IQSEC1: variants seen among roughly 807,000 people sequenced by gnomAD.
The protein encoded by IQSEC1 is IQ motif and Sec7 domain ArfGEF 1.
IQSEC1 carries 31 observed loss-of-function variants against 91.0 expected under a neutral mutation model. The observed-to-expected ratio is 0.34, with a 90% CI of 0.26 to 0.46. The LOEUF (loss-of-function observed/expected upper bound fraction) is 0.46, where lower values mean the gene tolerates loss of function less well. IQSEC1 is among the 20% of genes least tolerant of loss of function. IQSEC1 has a pLI of 1.00. For synonymous variants in IQSEC1, 699 were observed against 662.6 expected, an observed-to-expected ratio of 1.05 and a Z score of -0.84; for missense variants, 1,388 against 1,575.6, an observed-to-expected ratio of 0.88 and a Z score of 2.02.
rs192545792 is a variant in IQSEC1, at chr3:12,931,351, G to A, written c.1568+4097C>T. On this transcript the variant is annotated intron_variant, in intron 3 of 13. Transcript: ENST00000613206. ...TTCCATCATCAGCACCACAGGCTACGGGAGCAGCACTGCACATCCTCTGGG... is the reference window on the plus strand; with the variant it reads ...TTCCATCATCAGCACCACAGGCTACAGGAGCAGCACTGCACATCCTCTGGG... Among the ~76,000 whole-genome samples, 563 of 152,318 alleles carry A rather than the reference G, an allele frequency of 3.7e-3. 1 individual carries two copies. Among genetic ancestry groups the A allele is most frequent in the African/African-American group, 0.013 (543 of 41,566 alleles).
chr3:13,003,276 CAAAAAAAAA>C (rs56239928), intron 1 of IQSEC1, among the ~76,000 whole-genome samples: 1,557 of 57,186 alleles, frequency 0.027, 34 homozygotes, highest in African/African-American at 0.095. Context: ...CTGTCTCTAC[CAAAAAAAAA>C]AAAAAAAAAA....
upstream of IQSEC1, among the ~76,000 whole-genome samples, chr3:13,076,965 T>C (rs932831979): frequency 3.9e-5 from 6 of 151,958 alleles, no homozygotes; most frequent in East Asian, 1.9e-4. Context: ...TATATGCCTA[T>C]AGAAAATAGG....
chr3:12,993,622 G>A (rs919429431), intron 1 of IQSEC1, among the ~76,000 whole-genome samples: 37 of 145,282 alleles, frequency 2.5e-4, no homozygotes, highest in African/African-American at 8.4e-4. Flanking sequence ...GCCCCTCCCC[G>A]ACCCCCAATA....
At chr3:12,954,482 G>A (rs1020831227) in intron 1 of IQSEC1, among the ~76,000 whole-genome samples, 4 of 152,324 alleles carry the variant, frequency 2.6e-5, no homozygotes, top group Admixed American at 6.5e-5. Context: ...TGGGGGCTGC[G>A]TGGCAAACAT....
At chr3:13,281,971 G>A (rs1174620113) in intron 1 of IQSEC1, among the ~76,000 whole-genome samples, 3 of 152,168 alleles carry the variant, frequency 2.0e-5, no homozygotes, top group Non-Finnish European at 4.4e-5. Flanking sequence ...GGCTGCTCCG[G>A]GTTTCGACAC....
At chr3:13,054,749 C>T (rs900749210) in intron 1 of IQSEC1, among the ~76,000 whole-genome samples, 3 of 152,216 alleles carry the variant, frequency 2.0e-5, no homozygotes, top group African/African-American at 7.2e-5. Context: ...TGGTCTCATT[C>T]CATGATCCCC....
At chr3:13,028,842 A>T (rs532926470) in intron 1 of IQSEC1, among the ~76,000 whole-genome samples, 16 of 152,272 alleles carry the variant, frequency 1.1e-4, no homozygotes, top group African/African-American at 3.9e-4. Context: ...TCAGAGGTGG[A>T]GGCGACTTGC....
intron 1 of IQSEC1, among the ~76,000 whole-genome samples, chr3:13,264,965 C>CTGTCTGT (rs1559289432): frequency 1.1e-4 from 17 of 151,790 alleles, no homozygotes; most frequent in African/African-American, 3.9e-4. Context: ...TGTCTGTCTG[C>CTGTCTGT]CTCTCTTTCT....
intron 1 of IQSEC1, among the ~76,000 whole-genome samples, chr3:13,247,079 T>C (rs13316861): frequency 0.21 from 32,308 of 152,092 alleles, 6,309 homozygotes; most frequent in African/African-American, 0.53. Context: ...GTGCCACTTG[T>C]CAGCAACTGT....
chr3:13,243,567 C>G (rs1243593530), intron 1 of IQSEC1, among the ~76,000 whole-genome samples: 2 of 152,224 alleles, frequency 1.3e-5, no homozygotes, highest in Admixed American at 6.5e-5. Context: ...CTCGCAGAAG[C>G]CTCTACACCC....
At chr3:12,939,003 G>A (rs758362499) in intron 2 of IQSEC1, among the ~76,000 whole-genome samples, 19 of 152,270 alleles carry the variant, frequency 1.2e-4, no homozygotes, top group Middle Eastern at 3.4e-3. Context: ...TGCCAGGCCC[G>A]GTCGAAAAGT....
chr3:13,041,880 A>G (rs1186244369), intron 1 of IQSEC1, among the ~76,000 whole-genome samples: 1 of 152,140 alleles, frequency 6.6e-6, no homozygotes, highest in East Asian at 1.9e-4. Flanking sequence ...GCCTCCCCAA[A>G]CTTGTGCTTA....
chr3:13,115,032 G>T (rs573721774), intron 2 of IQSEC1, among the ~76,000 whole-genome samples: 2 of 152,232 alleles, frequency 1.3e-5, no homozygotes, highest in African/African-American at 4.8e-5. Flanking sequence ...TGGAGGTGCC[G>T]GGCAGGGGGG....
chr3:13,006,919 G>C (rs910346879), intron 1 of IQSEC1, among the ~76,000 whole-genome samples: 40 of 152,248 alleles, frequency 2.6e-4, no homozygotes, highest in African/African-American at 9.6e-4. Context: ...AGCCCCTGCA[G>C]CCTGGCCTCT....
At chr3:12,902,694 AC>A (rs1694493960) in intron 13 of IQSEC1, 78 bp downstream of exon 13, 26 of 728,698 alleles carry the variant, frequency 3.6e-5, no homozygotes, top group South Asian at 1.1e-4. Context: ...AAAAAAAAAA[AC>A]CAGGACAACA....
chr3:13,007,487 C>T (rs980290006), intron 1 of IQSEC1, among the ~76,000 whole-genome samples: 2 of 152,206 alleles, frequency 1.3e-5, no homozygotes, highest in Non-Finnish European at 2.9e-5. Flanking sequence ...GGTTCTAGGT[C>T]TCAATTCTGA....
chr3:13,024,926 A>T (rs1703555513), intron 1 of IQSEC1, among the ~76,000 whole-genome samples: 1 of 152,192 alleles, frequency 6.6e-6, no homozygotes, highest in Non-Finnish European at 1.5e-5. Flanking sequence ...GGAATAAAAA[A>T]TCTCTGCCCT....
chr3:13,273,789 CAA>C (rs1227682665), intron 1 of IQSEC1, among the ~76,000 whole-genome samples: 2 of 152,176 alleles, frequency 1.3e-5, no homozygotes, highest in East Asian at 3.9e-4. Context: ...AGATCAAAGC[CAA>C]AGTCCCCAGT....
At chr3:13,251,986 A>C (rs1695200291) in intron 1 of IQSEC1, among the ~76,000 whole-genome samples, 2 of 152,244 alleles carry the variant, frequency 1.3e-5, no homozygotes, top group South Asian at 4.1e-4. Flanking sequence ...CCCAGAGCCC[A>C]GTGCTCACTA....
Sources: gnomAD v4.1 joint callset for allele counts (sites outside exome capture counted in the v4.1 genomes callset) on GRCh38, gnomAD v4.1.1 for gene constraint, MANE v1.5 for transcripts, NCBI Gene and HGNC (gene_info 2026-07-23, HGNC 2026-07-21) for gene names.